Variants in OXR1 observed in about 807,000 individuals in gnomAD.
OXR1 encodes oxidation resistance 1.
Under a neutral mutation model 104.6 loss-of-function variants are expected in OXR1, and 41 were observed. The ratio of observed to expected loss-of-function variants is 0.39; its 90% CI spans 0.31 to 0.51. The LOEUF is 0.51. Ranked by LOEUF, OXR1 falls within the 20% of genes least tolerant of loss-of-function variation. The pLI is 0.77. For synonymous variants in OXR1, 348 were observed against 348.4 expected, an observed-to-expected ratio of 1.00 and a Z score of 0.01; for missense variants, 955 against 1,031.9, an observed-to-expected ratio of 0.93 and a Z score of 1.02.
chr8:106,370,711 A>G (rs1054093152), intron 2 of OXR1, among the ~76,000 whole-genome samples: 1 of 152,122 alleles, frequency 6.6e-6, no homozygotes, highest in Non-Finnish European at 1.5e-5. Context: ...ATTGATTTGC[A>G]TATGTTGAAC....
At chr8:106,629,885 G>A (rs931046916) in intron 3 of OXR1, among the ~76,000 whole-genome samples, 11 of 152,106 alleles carry the variant, frequency 7.2e-5, no homozygotes, top group African/African-American at 2.4e-4. Flanking sequence ...AGCAGATTTG[G>A]TACTCTGGGA....
intron 3 of OXR1, among the ~76,000 whole-genome samples, chr8:106,572,464 G>C (rs772273960): frequency 1.3e-5 from 2 of 152,092 alleles, no homozygotes; most frequent in Non-Finnish European, 2.9e-5. Context: ...CCAAGCTCTT[G>C]CATCTATGCT....
intron 2 of OXR1, among the ~76,000 whole-genome samples, chr8:106,438,226 C>T (rs1442030701): frequency 6.6e-6 from 1 of 151,982 alleles, no homozygotes; most frequent in East Asian, 1.9e-4. Context: ...CAATTATATT[C>T]AAATCCAGAG....
In OXR1 at chr8:106,739,582, A is replaced by G. The variant is rs201638608; in HGVS notation, c.2162A>G (p.Lys721Arg). 5.6e-6 allele frequency: 9 copies of G among 1,612,986 alleles called. No individual in the cohort carries two copies. The highest frequency in any genetic ancestry group is 7.6e-6 in the Non-Finnish European group (9 of 1,179,536). The change falls in exon 13 of 17, where the codon AAG becomes AGG. Residue 721 changes from lysine to arginine, a missense_variant and splice_region_variant. By Grantham distance (26) the Lys-to-Arg change is conservative. Around this residue, in one of 2 missense-constraint regions of OXR1, gnomAD observed 849 missense variants for 852.9 expected, o/e 1.00. Coordinates refer to ENST00000517566, the MANE Select transcript of OXR1 (RefSeq NM_001198533.2). ...SELLLPDQIE[K>R]LTKHLPPRTI... ...CTTTTACTGCCAGATCAAATTGAAA[A>G]GGTATGACATGCTCACATATGTGCA...
intron 2 of OXR1, among the ~76,000 whole-genome samples, chr8:106,505,033 T>C (rs1279012195): frequency 6.6e-5 from 10 of 152,224 alleles, no homozygotes; most frequent in Non-Finnish European, 1.3e-4. Flanking sequence ...TAACCCTATT[T>C]CTTAAACTGT....
At chr8:106,745,760 T>C (rs1835343722) in intron 15 of OXR1, 29 bp from the exon 16 acceptor site, 1 of 1,100,558 alleles carries the variant, frequency 9.1e-7, no homozygotes, top group African/African-American at 1.6e-5. Flanking sequence ...TTCATCTATA[T>C]ATTTAAAGCT....
chr8:106,750,517 A>T (rs28924701), intron 16 of OXR1, among the ~76,000 whole-genome samples: 1 of 151,542 alleles, frequency 6.6e-6, no homozygotes, highest in Admixed American at 6.6e-5. Context: ...TTTAGTAGAG[A>T]CAGGGTTTCT....
At chr8:106,405,191 TA>T in intron 2 of OXR1, among the ~76,000 whole-genome samples, 2 of 13,642 alleles carry the variant, frequency 1.5e-4, no homozygotes, top group Admixed American at 9.8e-4. Context: ...TATATATATA[TA>T]TATATATATA....
intron 1 of OXR1, among the ~76,000 whole-genome samples, chr8:106,357,199 T>C (rs571947178): frequency 1.6e-3 from 233 of 150,244 alleles, no homozygotes; most frequent in Non-Finnish European, 2.6e-3. Flanking sequence ...TATATGTGTA[T>C]ATATGTGTGT....
intron 11 of OXR1, chr8:106,720,595 G>T (rs946331562): frequency 6.0e-5 from 20 of 334,536 alleles, no homozygotes; most frequent in African/African-American, 4.5e-4. Context: ...TTTGTGCCTT[G>T]ATTTTTAAGA....
In OXR1 at chr8:106,675,516, G is replaced by A. The variant is rs552579094; in HGVS notation, c.221-3694G>A. Among the ~76,000 whole-genome samples the A allele has an allele frequency of 2.6e-5, 4 of 152,140 alleles. No individual in the cohort carries two copies. The South Asian group carries it at 6.2e-4, about 24-fold the overall frequency. ...TGTTATATCTTTGTTCTTATTAGTTGCAAAGAACTTCTTGATTTCTGCCTT... is the reference window on the plus strand; with the variant it reads ...TGTTATATCTTTGTTCTTATTAGTTACAAAGAACTTCTTGATTTCTGCCTT... On this transcript the variant is annotated intron_variant, in intron 3 of 16. Transcript: ENST00000517566.
At chr8:106,674,066 G>A (rs1827321048) in intron 3 of OXR1, among the ~76,000 whole-genome samples, 1 of 152,238 alleles carries the variant, frequency 6.6e-6, no homozygotes, top group South Asian at 2.1e-4. Flanking sequence ...GTGGAGCTGT[G>A]AGAAGAGGCC....
At chr8:106,724,511 T>C (rs1833143434) in intron 11 of OXR1, among the ~76,000 whole-genome samples, 1 of 152,226 alleles carries the variant, frequency 6.6e-6, no homozygotes, top group East Asian at 1.9e-4. Flanking sequence ...AAACCTGTTG[T>C]TTCTCGAAGT....
chr8:106,400,527 A>G (rs1282359961), intron 2 of OXR1, among the ~76,000 whole-genome samples: 1 of 150,672 alleles, frequency 6.6e-6, no homozygotes, highest in Non-Finnish European at 1.5e-5. Flanking sequence ...CTCTTTTTTC[A>G]AAGGTATTAA....
chr8:106,439,404 G>T (rs955499324), intron 2 of OXR1, among the ~76,000 whole-genome samples: 2 of 151,044 alleles, frequency 1.3e-5, no homozygotes, highest in Non-Finnish European at 3.0e-5. Context: ...AGAACTGTGA[G>T]AAAAAAAAAG....
intron 2 of OXR1, among the ~76,000 whole-genome samples, chr8:106,393,822 T>C (rs1817674209): frequency 6.6e-6 from 1 of 152,070 alleles, no homozygotes; most frequent in Non-Finnish European, 1.5e-5. Flanking sequence ...CAAATTTTAC[T>C]AAGTACTTGA....
rs1163357291 is a variant in OXR1, at chr8:106,403,289, G to T, written c.23+43653G>T. Among the ~76,000 whole-genome samples the T allele has an allele frequency of 2.6e-5, 4 of 152,360 alleles. No homozygotes were observed. In the East Asian group the frequency reaches 7.7e-4, roughly 29 times the overall value. On this transcript the variant is annotated intron_variant, in intron 2 of 16. Transcript: ENST00000517566. ...TAATACCACAGGTCTACAAGACTCA[G>T]CGTATTCTGATTGCTGCTTTGGCAC...
At chr8:106,298,248 A>G (rs1414013169) in intron 1 of OXR1, among the ~76,000 whole-genome samples, 2 of 152,204 alleles carry the variant, frequency 1.3e-5, no homozygotes, top group Admixed American at 6.5e-5. Context: ...AAGAGGTTTA[A>G]TGGACTCACA....
intron 11 of OXR1, among the ~76,000 whole-genome samples, chr8:106,719,447 T>C (rs1488594531): frequency 6.6e-6 from 1 of 152,240 alleles, no homozygotes; most frequent in Non-Finnish European, 1.5e-5. Context: ...TTCATAGTTA[T>C]TCAAATGTCA....
Sources: gnomAD v4.1 joint callset for allele counts (sites outside exome capture counted in the v4.1 genomes callset) on GRCh38, gnomAD v4.1.1 for gene constraint, gnomAD v4.1.1 regional missense constraint, MANE v1.5 for transcripts, NCBI Gene and HGNC (gene_info 2026-07-23, HGNC 2026-07-21) for gene names.